The following CCDC7 variants were observed in gnomAD, a reference collection of about 807,000 sequenced individuals.
CCDC7 encodes coiled-coil domain containing 7.
In CCDC7, 183 loss-of-function variants were observed where a neutral mutation model predicts 196.9. The ratio of observed to expected loss-of-function variants is 0.93; its 90% CI spans 0.82 to 1.05. The LOEUF (loss-of-function observed/expected upper bound fraction) is 1.05, where lower values mean the gene tolerates loss of function less well. Among genes scored for constraint, CCDC7 ranks in the 50% least tolerant of loss-of-function variants. The probability of loss-of-function intolerance (pLI) is 0.00; values close to 1 mark genes in which losing one functional copy is unlikely to be tolerated. For synonymous variants in CCDC7, 525 were observed against 484.6 expected (o/e 1.08, Z -1.10); for missense variants, 1,540 against 1,482.2 (o/e 1.04, Z -0.64).
chr10:32,764,347 C>T lies in CCDC7; in HGVS notation c.2906-14630C>T, dbSNP rs113762243. ...ACATAATTTTTCTAATTTATTTAGA[C>T]AGAAATCAGGGGAATATGTTTGGGA... On this transcript the variant is annotated intron_variant, in intron 28 of 41. Transcript: ENST00000639629. 3.5e-3 allele frequency among the ~76,000 whole-genome samples: 537 copies of T among 151,650 alleles called. 2 individuals are homozygous for T. The highest frequency in any genetic ancestry group is 0.012 in the African/African-American group (509 of 41,362).
intron 29 of CCDC7, among the ~76,000 whole-genome samples, chr10:32,786,119 T>C (rs1015012715): frequency 5.3e-5 from 8 of 152,106 alleles, no homozygotes; most frequent in Non-Finnish European, 1.2e-4. Flanking sequence ...AATGCTGACA[T>C]TGGAAGAAAT....
intron 9 of CCDC7, among the ~76,000 whole-genome samples, chr10:32,497,397 T>G (rs891112739): frequency 7.2e-5 from 11 of 152,234 alleles, no homozygotes; most frequent in African/African-American, 2.7e-4. Context: ...CTCCTTCAGT[T>G]CTGCTCCGAT....
At chr10:32,637,068 A>T (rs529078695) in intron 20 of CCDC7, among the ~76,000 whole-genome samples, 1 of 151,888 alleles carries the variant, frequency 6.6e-6, no homozygotes, top group Non-Finnish European at 1.5e-5. Flanking sequence ...CCACTTTTTG[A>T]TGGGGTTGTT....
chr10:32,485,237 C>T lies in CCDC7; in HGVS notation c.797-6685C>T, dbSNP rs527817191. ...CTGGTTTAGTCTTGGGACGGTGTGTCGAGGAATTTATCCATTTCTTCTAGA... is the reference window on the plus strand; with the variant it reads ...CTGGTTTAGTCTTGGGACGGTGTGTTGAGGAATTTATCCATTTCTTCTAGA... On this transcript the variant is annotated intron_variant, in intron 8 of 41. Transcript: ENST00000639629. Among the ~76,000 whole-genome samples, 14 of 151,782 alleles carry T rather than the reference C, an allele frequency of 9.2e-5. 1 individual carries two copies. The highest frequency in any genetic ancestry group is 3.4e-3 in the Middle Eastern group (1 of 294).
At chr10:32,628,405 A>G (rs545906368) in intron 18 of CCDC7, among the ~76,000 whole-genome samples, 1 of 151,916 alleles carries the variant, frequency 6.6e-6, no homozygotes, top group South Asian at 2.1e-4. Flanking sequence ...TCTTTTTGAA[A>G]TTTAGTCTAC....
At chr10:32,780,590 A>G (rs1055168348) in intron 29 of CCDC7, among the ~76,000 whole-genome samples, 1 of 152,198 alleles carries the variant, frequency 6.6e-6, no homozygotes, top group African/African-American at 2.4e-5. Flanking sequence ...TTAAGATGTT[A>G]TATATTATTT....
At chr10:32,808,721 C>T (rs373445154) in intron 30 of CCDC7, among the ~76,000 whole-genome samples, 1 of 151,976 alleles carries the variant, frequency 6.6e-6, no homozygotes, top group African/African-American at 2.4e-5. Context: ...GACTGATTCA[C>T]CTGGGGTCCC....
chr10:32,666,397 T>A (rs2072724139), intron 21 of CCDC7, among the ~76,000 whole-genome samples: 1 of 152,100 alleles, frequency 6.6e-6, no homozygotes, highest in Non-Finnish European at 1.5e-5. Flanking sequence ...TTTTTTATAC[T>A]TTACGTTCTA....
At chr10:32,810,329 T>G (rs1397713798) in intron 30 of CCDC7, among the ~76,000 whole-genome samples, 1 of 152,058 alleles carries the variant, frequency 6.6e-6, no homozygotes, top group Non-Finnish European at 1.5e-5. Context: ...GGAAAAAATA[T>G]TCCATGCAAA....
upstream of CCDC7, among the ~76,000 whole-genome samples, chr10:32,446,815 A>G (rs1380881865): frequency 6.6e-6 from 1 of 151,866 alleles, no homozygotes; most frequent in East Asian, 1.9e-4. Flanking sequence ...GCGTGTGACT[A>G]TTTTTGTATT....
chr10:32,471,205 G>T, exon 6 of CCDC7: 2 of 1,609,112 alleles, frequency 1.2e-6, no homozygotes, highest in South Asian at 2.2e-5. Flanking sequence ...TAAATCCTCC[G>T]TGAAAGTCAT....
upstream of CCDC7, among the ~76,000 whole-genome samples, chr10:32,445,210 A>G (rs1564587241): frequency 3.9e-5 from 6 of 152,198 alleles, no homozygotes; most frequent in South Asian, 1.2e-3. Context: ...CATTTCTGGT[A>G]CACCAGAAGA....
chr10:32,714,571 G>A (rs565631551), intron 25 of CCDC7, among the ~76,000 whole-genome samples: 54 of 152,190 alleles, frequency 3.5e-4, no homozygotes, highest in Non-Finnish European at 6.6e-4. Flanking sequence ...CCCCTGGAAA[G>A]GGGGCTGAAG....
At chr10:32,550,003 C>T (rs2053194764) in intron 13 of CCDC7, among the ~76,000 whole-genome samples, 1 of 152,016 alleles carries the variant, frequency 6.6e-6, no homozygotes, top group Non-Finnish European at 1.5e-5. Context: ...TTGCTTTTGG[C>T]AGTATGGTCA....
intron 27 of CCDC7, 100 bp downstream of exon 28, chr10:32,729,097 C>A: frequency 1.1e-6 from 1 of 904,280 alleles, no homozygotes; most frequent in Non-Finnish European, 1.7e-6. Flanking sequence ...TATATTTCAT[C>A]AACTTTTAAC....
rs1488580551 is a variant in CCDC7 at position 32,500,429 on chromosome 10, C to T, written c.872+8432C>T. 6.1e-5 allele frequency among the ~76,000 whole-genome samples: 9 copies of T among 147,342 alleles called. No homozygotes were observed. The East Asian group carries it at 8.2e-4, about 13-fold the overall frequency. Reference sequence around the variant, plus strand: ...AGACGGGGTCACGGCCAGGCAGAGGCGCTCTTCACATCTCGGAGGGGGCGG... The same window carrying T: ...AGACGGGGTCACGGCCAGGCAGAGGTGCTCTTCACATCTCGGAGGGGGCGG... On this transcript the variant is annotated intron_variant, in intron 9 of 41. Coordinates refer to ENST00000639629, the Ensembl canonical transcript of CCDC7.
At chr10:32,830,120 G>GTATATATATATATATATATATATA (rs2091944455) in intron 32 of CCDC7, among the ~76,000 whole-genome samples, 2 of 10,744 alleles carry the variant, frequency 1.9e-4, no homozygotes, top group Admixed American at 1.8e-3. Flanking sequence ...ATATATATAA[G>GTATATATATATATATATATATATA]GATATATATA....
chr10:32,483,906 G>A (rs1381507159), intron 8 of CCDC7, among the ~76,000 whole-genome samples: 3 of 152,190 alleles, frequency 2.0e-5, no homozygotes, highest in Non-Finnish European at 4.4e-5. Context: ...TAGCCTTGTA[G>A]TATAGTTGGA....
chr10:32,668,184 G>A (rs1235454199), intron 21 of CCDC7, among the ~76,000 whole-genome samples: 2 of 152,112 alleles, frequency 1.3e-5, no homozygotes, highest in East Asian at 1.9e-4. Flanking sequence ...TGTTATTGGT[G>A]TATAAGAATG....
Sources: allele counts gnomAD v4.1 joint callset (sites outside exome capture counted in the v4.1 genomes callset), GRCh38; gene constraint gnomAD v4.1.1; transcripts MANE v1.5; gene names NCBI Gene and HGNC (gene_info 2026-07-23, HGNC 2026-07-21).